GNG7: variants seen among roughly 807,000 people sequenced by gnomAD.
GNG7 encodes the protein G protein subunit gamma 7.
A neutral mutation model predicts 4.0 loss-of-function variants in GNG7; 1 was observed. The ratio of observed to expected loss-of-function variants is 0.25; its 90% confidence interval spans 0.09 to 1.18. GNG7 has a LOEUF of 1.18. Among genes scored for constraint, GNG7 ranks in the 50% most tolerant of loss-of-function variants. GNG7 has a pLI of 0.50. For missense variants in GNG7, 86 were observed against 91.9 expected, an observed-to-expected ratio of 0.94 and a Z score of 0.26; for synonymous variants, 34 against 36.9, an observed-to-expected ratio of 0.92 and a Z score of 0.29.
chr19:2,559,713 C>T (rs914230749), intron 2 of GNG7, among the ~76,000 whole-genome samples: 21 of 80,296 alleles, frequency 2.6e-4, no homozygotes, highest in African/African-American at 1.3e-3. Context: ...AGGGTTTCTC[C>T]ATGTTGGTCA....
At chr19:2,562,516 C>A (rs1979774794) in intron 2 of GNG7, among the ~76,000 whole-genome samples, 1 of 152,170 alleles carries the variant, frequency 6.6e-6, no homozygotes, top group Non-Finnish European at 1.5e-5. Context: ...CACTCACTTT[C>A]AATACCTACA....
intron 3 of GNG7, among the ~76,000 whole-genome samples, chr19:2,521,777 C>G (rs1445653237): frequency 6.6e-6 from 1 of 151,970 alleles, no homozygotes; most frequent in Non-Finnish European, 1.5e-5. Context: ...CCACACCCGG[C>G]TAATTTTTGT....
intron 2 of GNG7, chr19:2,643,277 G>A (rs1054478875): frequency 4.2e-5 from 18 of 425,412 alleles, no homozygotes; most frequent in African/African-American, 3.5e-4. Context: ...TTCCCGCCCT[G>A]CACCATGTGC....
In GNG7 at chr19:2,633,787, C is replaced by T. The variant is rs1982234614; in HGVS notation, c.-78+12437G>A. Among the ~76,000 whole-genome samples, 1 of 152,144 alleles carries T rather than the reference C, an allele frequency of 6.6e-6. No homozygotes were observed. The highest frequency in any genetic ancestry group is 1.5e-5 in the Non-Finnish European group (1 of 68,020). On this transcript the variant is annotated intron_variant, in intron 2 of 4. Transcript: ENST00000382159. The surrounding 1 kb of genome is among the most constrained non-coding windows in gnomAD (Gnocchi z 5.9). ...TCTCAACTCACCCGGGAGGCAGGTT[C>T]TTCTGCACCGGGCCTTCTCCCCCCG...
rs532292014 is a variant in GNG7, at chr19:2,609,646, C to A, written c.-78+36578G>T. On this transcript the variant is annotated intron_variant, in intron 2 of 4. Coordinates refer to ENST00000382159, the MANE Select transcript of GNG7 (RefSeq NM_052847.3). This position sits in a 1 kb window ranked among gnomAD's most constrained non-coding sequence, Gnocchi z 4.4. ...TCCCACCTGTTACCGTCTTGGACTT[C>A]CAGCCTCCAGAACCAAGAGAGAGAA... 1.3e-5 allele frequency among the ~76,000 whole-genome samples: 2 copies of A among 152,276 alleles called. No homozygotes were observed. The highest frequency in any genetic ancestry group is 1.5e-5 in the Non-Finnish European group (1 of 68,030).
At chr19:2,657,789 G>A (rs1278572438) in intron 1 of GNG7, among the ~76,000 whole-genome samples, 2 of 152,176 alleles carry the variant, frequency 1.3e-5, no homozygotes, top group African/African-American at 4.8e-5. Context: ...AGGTACCGAG[G>A]CAAGAGACTG....
In GNG7 at chr19:2,621,857, C is replaced by T. The variant is rs144106084; in HGVS notation, c.-78+24367G>A. ...CGGAAGGATCCTCTCCTGTAGCGCC[C>T]AGGGGAGCACAGCTCTGCAGACAGC... On this transcript the variant is annotated intron_variant, in intron 2 of 4. Coordinates refer to ENST00000382159, the MANE Select transcript of GNG7 (RefSeq NM_052847.3). 3.6e-3 allele frequency among the ~76,000 whole-genome samples: 550 copies of T among 152,238 alleles called. 5 individuals are homozygous for T. Among genetic ancestry groups the T allele is most frequent in the African/African-American group, 0.013 (521 of 41,528 alleles).
Position 2,557,240 on chromosome 19 carries a change from C to T in GNG7, c.-77-2052G>A, listed in dbSNP as rs971494665. ...AGACACACATGCACACACAGACGCA[C>T]ATGTGCACACACACGTGCACACACA... On this transcript the variant is annotated intron_variant, in intron 2 of 4. Transcript: ENST00000382159. The surrounding 1 kb of genome is among the most constrained non-coding windows in gnomAD (Gnocchi z 5.1). Among the ~76,000 whole-genome samples the T allele has an allele frequency of 1.3e-4, 20 of 151,618 alleles. No individual in the cohort carries two copies. The highest frequency in any genetic ancestry group is 1.3e-3 in the Admixed American group (20 of 15,232).
At chr19:2,584,434 C>A (rs565574526) in intron 2 of GNG7, among the ~76,000 whole-genome samples, 1 of 150,940 alleles carries the variant, frequency 6.6e-6, no homozygotes, top group Non-Finnish European at 1.5e-5. Flanking sequence ...ACAGGCAAGA[C>A]CTTGTCTCAA....
Position 2,618,341 on chromosome 19 carries a change from TG to T in GNG7, c.-78+27882del, listed in dbSNP as rs372976864. On this transcript the variant is annotated intron_variant, in intron 2 of 4. Coordinates refer to ENST00000382159, the MANE Select transcript of GNG7 (RefSeq NM_052847.3). This position sits in a 1 kb window ranked among gnomAD's most constrained non-coding sequence, Gnocchi z 5.1. ...TTTCTCTTTTCTACCTGTATGTGTG[TG>T]GTGTGTGTGTGTGTGTGTGTGTGTG... Among the ~76,000 whole-genome samples the T allele has an allele frequency of 1.4e-5, 2 of 138,540 alleles. No homozygotes were observed. Among genetic ancestry groups the T allele is most frequent in the African/African-American group, 6.2e-5 (2 of 32,362 alleles). 90.9% of individuals were successfully genotyped at this position (138,540 alleles called of 152,430 possible).
At chr19:2,525,147 C>T (rs117903210) in intron 3 of GNG7, among the ~76,000 whole-genome samples, 2 of 152,270 alleles carry the variant, frequency 1.3e-5, no homozygotes, top group East Asian at 3.9e-4. Flanking sequence ...CAGAGGCGCA[C>T]GGGTGCCGGG....
intron 3 of GNG7, among the ~76,000 whole-genome samples, chr19:2,549,780 G>C (rs2144755883): frequency 6.6e-6 from 1 of 152,292 alleles, no homozygotes; most frequent in South Asian, 2.1e-4. Flanking sequence ...CAGCAGGCCG[G>C]GGGTGAGGGC....
At chr19:2,584,513 C>G (rs1254376459) in intron 2 of GNG7, among the ~76,000 whole-genome samples, 1 of 150,100 alleles carries the variant, frequency 6.7e-6, no homozygotes, top group Non-Finnish European at 1.5e-5. Context: ...GGGAGGATCA[C>G]TTGAGCCCAA....
At chr19:2,519,367 G>C (rs1978296710) in intron 4 of GNG7, among the ~76,000 whole-genome samples, 1 of 151,476 alleles carries the variant, frequency 6.6e-6, no homozygotes, top group South Asian at 2.1e-4. Flanking sequence ...TGTTGGCCAG[G>C]CTGGTCTCGA....
At position 2,617,132 on chromosome 19, in the gene GNG7, T is replaced by C. The variant is rs1195013638; in HGVS notation, c.-78+29092A>G. Among the ~76,000 whole-genome samples the C allele has an allele frequency of 6.6e-6, 1 of 152,216 alleles. No homozygotes were observed. Among genetic ancestry groups the C allele is most frequent in the Non-Finnish European group, 1.5e-5 (1 of 68,036 alleles). On this transcript the variant is annotated intron_variant, in intron 2 of 4. Transcript: ENST00000382159. This position sits in a 1 kb window ranked among gnomAD's most constrained non-coding sequence, Gnocchi z 4.7. The stretch of plus-strand genomic sequence containing the variant: ...TGACGTTCAGGGCTGGATCATTCTC[T>C]GGGATGGGGCCATCCTGGTGCACTG...
intron 2 of GNG7, among the ~76,000 whole-genome samples, chr19:2,576,700 G>A (rs575814165): frequency 4.3e-4 from 64 of 150,326 alleles, no homozygotes; most frequent in African/African-American, 1.6e-3. Context: ...GTGCGTACCA[G>A]CCCATCTGGG....
intron 2 of GNG7, among the ~76,000 whole-genome samples, chr19:2,581,722 T>G (rs1480708657): frequency 6.6e-6 from 1 of 152,178 alleles, no homozygotes; most frequent in Non-Finnish European, 1.5e-5. Flanking sequence ...ACCCAACAGG[T>G]GTTGAAACAA....
intron 1 of GNG7, among the ~76,000 whole-genome samples, chr19:2,676,082 G>A (rs2144893875): frequency 6.6e-6 from 1 of 152,336 alleles, no homozygotes; most frequent in African/African-American, 2.4e-5. Context: ...GCAGAGACTG[G>A]AGCGATGTCA....
chr19:2,575,874 CACACGCAGGCACACGCAG>C (rs1168104212), intron 2 of GNG7, among the ~76,000 whole-genome samples: 5 of 146,074 alleles, frequency 3.4e-5, no homozygotes, highest in South Asian at 2.2e-4. Flanking sequence ...CAGACACAGG[CACACGCAGGCACACGCAG>C]ACACGCAGGC....
Sources: gnomAD v4.1 joint callset for allele counts (sites outside exome capture counted in the v4.1 genomes callset) on GRCh38, gnomAD v4.1.1 for gene constraint, Gnocchi (gnomAD v3.1) non-coding constraint, MANE v1.5 for transcripts, NCBI Gene and HGNC (gene_info 2026-07-23, HGNC 2026-07-21) for gene names.